Variants in SLC30A9 observed in about 807,000 individuals in gnomAD.
SLC30A9 encodes the protein solute carrier family 30 member 9, also known as proton-coupled zinc antiporter SLC30A9, mitochondrial.
SLC30A9 carries 58 observed loss-of-function variants against 87.5 expected under a neutral mutation model. The ratio of observed to expected loss-of-function variants is 0.66; its 90% CI spans 0.54 to 0.82. SLC30A9 has a LOEUF of 0.82. Among genes scored for constraint, SLC30A9 ranks in the 40% least tolerant of loss-of-function variants. The pLI is 0.00. For missense variants in SLC30A9, 557 were observed against 679.1 expected (o/e 0.82, Z 2.00); for synonymous variants, 234 against 233.0 (o/e 1.00, Z -0.04).
intron 14 of SLC30A9, among the ~76,000 whole-genome samples, chr4:42,068,730 C>T (rs1156277030): frequency 1.3e-5 from 2 of 152,108 alleles, no homozygotes. Flanking sequence ...CTGTTGCCTT[C>T]CTATTTCTTT....
At chr4:42,071,246 G>A (rs1718297401) in intron 15 of SLC30A9, among the ~76,000 whole-genome samples, 1 of 152,068 alleles carries the variant, frequency 6.6e-6, no homozygotes. Flanking sequence ...GCTTTTCAGT[G>A]AAATTCTAGC....
intron 6 of SLC30A9, among the ~76,000 whole-genome samples, chr4:42,033,043 T>A (rs1716514098): frequency 6.6e-6 from 1 of 152,214 alleles, no homozygotes; most frequent in African/African-American, 2.4e-5. Flanking sequence ...AGTATATATA[T>A]CCCACTAGAG....
chr4:42,056,154 C>T lies in SLC30A9; in HGVS notation c.841-4037C>T, dbSNP rs184448088. On this transcript the variant is annotated intron_variant, in intron 9 of 17. Transcript: ENST00000264451. ...CGGTATCTCACACTTCATTGCACAG[C>T]CAACTGAATATTAAGGATTTTTAAA... Among the ~76,000 whole-genome samples the T allele has an allele frequency of 5.1e-3, 452 of 89,256 alleles. 2 individuals carry two copies. The highest frequency in any genetic ancestry group is 0.028 in the South Asian group (59 of 2,098). The allele number at this position is 89,256 out of a possible 152,430, so 58.6% of individuals were successfully genotyped here. A position where few individuals can be genotyped will look rare whatever the true frequency, so the allele number is the denominator to read the frequency against.
At chr4:42,085,934 T>C (rs1321793814) in intron 17 of SLC30A9, 148 bp from the exon 18 acceptor site, 1 of 269,220 alleles carries the variant, frequency 3.7e-6, no homozygotes, top group African/African-American at 1.9e-5. Flanking sequence ...TTGATCTTAC[T>C]TTTTTTCTTA....
Position 42,075,890 on chromosome 4 carries a change from C to G in SLC30A9, c.1548+104C>G, listed in dbSNP as rs938718261. ...TATAGATCTTAAAGGCACTTTAGCTCTCAACTTCTTAGGTTCCAAAATTTA... is the reference window on the plus strand; with the variant it reads ...TATAGATCTTAAAGGCACTTTAGCTGTCAACTTCTTAGGTTCCAAAATTTA... On this transcript the variant is annotated intron_variant, in intron 16 of 17. Coordinates refer to ENST00000264451, the MANE Select transcript of SLC30A9 (RefSeq NM_006345.4). 6 of 1,117,540 alleles carry G rather than the reference C, an allele frequency of 5.4e-6. No individual in the cohort carries two copies. The African/African-American group carries it at 9.5e-5, about 18-fold the overall frequency. 69.2% of individuals were successfully genotyped at this position (1,117,540 alleles called of 1,614,324 possible).
At chr4:42,044,560 A>G (rs2153137959) in intron 8 of SLC30A9, among the ~76,000 whole-genome samples, 2 of 152,322 alleles carry the variant, frequency 1.3e-5, no homozygotes, top group East Asian at 1.9e-4. Flanking sequence ...ACCCAGATTC[A>G]TAAAGCAAGT....
chr4:42,066,509 A>G (rs1159289491), intron 12 of SLC30A9, 41 bp from the exon 13 acceptor site: 2 of 1,348,514 alleles, frequency 1.5e-6, no homozygotes, highest in African/African-American at 2.9e-5. Context: ...GTTTGGAGGC[A>G]TGAAGTTTCT....
intron 7 of SLC30A9, among the ~76,000 whole-genome samples, chr4:42,037,784 ATATTTTATTT>A (rs1261734826): frequency 6.6e-6 from 1 of 151,986 alleles, no homozygotes; most frequent in East Asian, 1.9e-4. Flanking sequence ...GAATTTTTTA[ATATTTTATTT>A]TATTTTATTT....
chr4:42,058,398 C>G (rs1717711460), intron 9 of SLC30A9, among the ~76,000 whole-genome samples: 1 of 152,216 alleles, frequency 6.6e-6, no homozygotes, highest in African/African-American at 2.4e-5. Context: ...CAACAAGTCT[C>G]TAGGAAATTC....
intron 9 of SLC30A9, among the ~76,000 whole-genome samples, chr4:42,053,695 C>CCAAAA (rs1717478958): frequency 1.8e-5 from 1 of 55,922 alleles, no homozygotes; most frequent in African/African-American, 9.5e-5. Context: ...ACTCGGTCTC[C>CCAAAA]AAAAAAAAAA....
chr4:41,996,214 G>A (rs1404721082), intron 1 of SLC30A9, among the ~76,000 whole-genome samples: 3 of 152,102 alleles, frequency 2.0e-5, no homozygotes, highest in Non-Finnish European at 4.4e-5. Context: ...TCCTGCCTCA[G>A]CCTCCCAAGT....
At chr4:42,081,759 T>C (rs1718746238) in intron 17 of SLC30A9, among the ~76,000 whole-genome samples, 1 of 151,630 alleles carries the variant, frequency 6.6e-6, no homozygotes, top group East Asian at 1.9e-4. Context: ...TCACCTACAT[T>C]TACTCTTACA....
In SLC30A9 at chr4:42,057,730, T is replaced by A. The variant is rs183011470; in HGVS notation, c.841-2461T>A. The stretch of plus-strand genomic sequence containing the variant: ...TTCTGCAGCTGGCTTGAATTTCTCC[T>A]CAGAAAATGGAATTTTCTTTTCTAT... On this transcript the variant is annotated intron_variant, in intron 9 of 17. Coordinates refer to ENST00000264451, the MANE Select transcript of SLC30A9 (RefSeq NM_006345.4). Among the ~76,000 whole-genome samples the A allele has an allele frequency of 5.1e-4, 77 of 152,326 alleles. 1 individual carries two copies. Among genetic ancestry groups the A allele is most frequent in the African/African-American group, 1.7e-3 (70 of 41,578 alleles).
Position 42,087,076 on chromosome 4 carries a change from TAAGAGA to T in SLC30A9, c.*951_*956del, listed in dbSNP as rs1718947409. 1 of 152,216 alleles carries T rather than the reference TAAGAGA, an allele frequency of 6.6e-6. No homozygotes were observed. The highest frequency in any genetic ancestry group is 2.4e-5 in the African/African-American group (1 of 41,470). 9.4% of individuals were successfully genotyped at this position (152,216 alleles called of 1,614,324 possible). Reference sequence around the variant, plus strand: ...CTGAGCTGTGGGATATTTCTTGCTTTAAGAGAGAGACAGAATCTCTCACTGAAACTC... The same window carrying T: ...CTGAGCTGTGGGATATTTCTTGCTTTGAGACAGAATCTCTCACTGAAACTC... On this transcript the variant is annotated 3_prime_UTR_variant, in exon 18 of 18. Coordinates refer to ENST00000264451, the MANE Select transcript of SLC30A9 (RefSeq NM_006345.4).
chr4:41,997,430 T>C (rs1207553815), intron 1 of SLC30A9, among the ~76,000 whole-genome samples: 3 of 152,076 alleles, frequency 2.0e-5, no homozygotes, highest in Non-Finnish European at 2.9e-5. Flanking sequence ...ATGGACACAT[T>C]CTTAGGTTTT....
At position 42,035,271 on chromosome 4, in the gene SLC30A9, A is replaced by G. The variant is rs1455135544; in HGVS notation, c.611-4A>G. On this transcript the variant is annotated splice_polypyrimidine_tract_variant and splice_region_variant and intron_variant, in intron 6 of 17. Coordinates refer to ENST00000264451, the MANE Select transcript of SLC30A9 (RefSeq NM_006345.4). ...GACCTAAATTTATTTTGTTATTCTT[A>G]CAGGGCTATTTAGAAACCAAAAAAT... 1.3e-6 allele frequency: 2 copies of G among 1,595,180 alleles called. No individual in the cohort carries two copies.
intron 6 of SLC30A9, among the ~76,000 whole-genome samples, chr4:42,033,802 T>TTC (rs1716557872): frequency 2.0e-5 from 3 of 152,184 alleles, no homozygotes; most frequent in African/African-American, 7.2e-5. Flanking sequence ...GTCTCGATGA[T>TTC]CTGACCTTGT....
chr4:41,990,643 C>G lies in SLC30A9; in HGVS notation c.-9C>G, dbSNP rs11541146. ...GCGGTGTCCGAGTAGGGGCCTCTGC[C>G]CCACCAGGATGTTACCCGGCTTGGC... On this transcript the variant is annotated 5_prime_UTR_variant, in exon 1 of 18. Transcript: ENST00000264451. The G allele has an allele frequency of 1.9e-6, 3 of 1,581,368 alleles. No individual in the cohort carries two copies. The East Asian group carries it at 6.8e-5, about 36-fold the overall frequency.
intron 11 of SLC30A9, among the ~76,000 whole-genome samples, chr4:42,065,002 T>C (rs1718024083): frequency 6.6e-6 from 1 of 152,218 alleles, no homozygotes; most frequent in Non-Finnish European, 1.5e-5. Flanking sequence ...AAACAAACAT[T>C]GGTTACTGTT....
Sources: gnomAD v4.1 joint callset for allele counts (sites outside exome capture counted in the v4.1 genomes callset) on GRCh38, gnomAD v4.1.1 for gene constraint, MANE v1.5 for transcripts, NCBI Gene and HGNC (gene_info 2026-07-23, HGNC 2026-07-21) for gene names.